Variants in FAAH2 observed in about 807,000 individuals in gnomAD.
The protein encoded by FAAH2 is fatty acid amide hydrolase 2.
Under a neutral mutation model 36.9 loss-of-function variants are expected in FAAH2, and 60 were observed. The observed-to-expected ratio is 1.63, with a 90% CI of 1.32 to 2.02. FAAH2 has a LOEUF of 2.02. Ranked by LOEUF, FAAH2 falls within the 30% of genes most tolerant of loss-of-function variation. The pLI is 0.00. For synonymous variants in FAAH2, 214 were observed against 143.8 expected (o/e 1.49, Z -3.49); for missense variants, 689 against 397.5 (o/e 1.73, Z -6.23).
chrX:57,137,378 G>T, the FAAH2 span: 1 of 752,246 alleles, frequency 1.3e-6, no homozygotes. Context: ...GTGTAGGAGC[G>T]CGGCGAGACA....
chrX:57,237,006 A>T, the FAAH2 span, among the ~76,000 whole-genome samples: 2 of 111,904 alleles, frequency 1.8e-5, no homozygotes, highest in Non-Finnish European at 3.8e-5. Context: ...ACTTAAGTCT[A>T]TAATCTATTT....
the FAAH2 span, among the ~76,000 whole-genome samples, chrX:57,201,053 G>GTTTTTTTTTT: frequency 6.2e-5 from 6 of 96,544 alleles, no homozygotes; most frequent in Non-Finnish European, 8.2e-5. Flanking sequence ...TAGGGTAAAA[G>GTTTTTTTTTT]TTTTTTTTTT....
chrX:57,443,176 A>C (rs1254738615), intron 8 of FAAH2, among the ~76,000 whole-genome samples: 1 of 111,945 alleles, frequency 8.9e-6, no homozygotes, highest in Non-Finnish European at 1.9e-5. Flanking sequence ...AGGTTCTTGA[A>C]GTTCTCCTGG....
intron 7 of FAAH2, among the ~76,000 whole-genome samples, chrX:57,401,190 C>T (rs1046322196): frequency 3.6e-5 from 4 of 111,603 alleles, no homozygotes; most frequent in South Asian, 3.8e-4. Flanking sequence ...GGTTTCTGAA[C>T]GGGCAGCTAA....
chrX:57,246,901 G>A, the FAAH2 span, among the ~76,000 whole-genome samples: 4 of 111,573 alleles, frequency 3.6e-5, no homozygotes, highest in African/African-American at 1.3e-4. Flanking sequence ...CATTGGGTCA[G>A]TTTTGCAGCT....
chrX:57,395,646 T>C (rs184533697), intron 7 of FAAH2, among the ~76,000 whole-genome samples: 7 of 112,322 alleles, frequency 6.2e-5, no homozygotes, highest in Non-Finnish European at 1.3e-4. Flanking sequence ...TTGTTTTTTA[T>C]TCTGTTTATG....
chrX:57,185,503 T>C, the FAAH2 span, among the ~76,000 whole-genome samples: 1 of 108,975 alleles, frequency 9.2e-6, no homozygotes, highest in Admixed American at 9.9e-5. Context: ...TGTGTGTGTG[T>C]GTGTGTGTGT....
chrX:57,257,584 C>T, the FAAH2 span, among the ~76,000 whole-genome samples: 1,373 of 110,159 alleles, frequency 0.012, 6 homozygotes, highest in Non-Finnish European at 0.019. Flanking sequence ...AGGAGAAATA[C>T]CTAATGTAGT....
At chrX:57,151,831 A>G in the FAAH2 span, among the ~76,000 whole-genome samples, 1 of 110,079 alleles carries the variant, frequency 9.1e-6, no homozygotes, top group East Asian at 2.9e-4. Flanking sequence ...GAGGAGAGGC[A>G]CTCTGCTTTT....
intron 7 of FAAH2, among the ~76,000 whole-genome samples, chrX:57,421,406 A>C (rs1456328516): frequency 1.8e-5 from 2 of 112,100 alleles, no homozygotes; most frequent in African/African-American, 6.5e-5. Context: ...GACCCATAAC[A>C]TAATACCATA....
the FAAH2 span, among the ~76,000 whole-genome samples, chrX:57,263,339 C>T: frequency 1.8e-5 from 2 of 111,431 alleles, no homozygotes; most frequent in Non-Finnish European, 3.8e-5. Flanking sequence ...AAGTACAATA[C>T]CACTTAGAGT....
chrX:57,376,931 T>C (rs1246981802), intron 5 of FAAH2, among the ~76,000 whole-genome samples: 1 of 112,455 alleles, frequency 8.9e-6, no homozygotes, highest in Non-Finnish European at 1.9e-5. Flanking sequence ...TTTTTGCATA[T>C]GTTTGTTGGC....
chrX:57,311,363 C>T (rs1481248141), intron 3 of FAAH2, among the ~76,000 whole-genome samples: 3 of 112,284 alleles, frequency 2.7e-5, no homozygotes, highest in Non-Finnish European at 3.8e-5. Context: ...TAAATGGCTC[C>T]TGCGAAAGGG....
intron 5 of FAAH2, among the ~76,000 whole-genome samples, chrX:57,351,311 T>TA (rs1287479584): frequency 3.6e-5 from 4 of 111,066 alleles, no homozygotes; most frequent in African/African-American, 1.3e-4. Context: ...TGCAATGTAG[T>TA]AAAACTTGTT....
At chrX:57,273,730 C>T in the FAAH2 span, among the ~76,000 whole-genome samples, 715 of 111,705 alleles carry the variant, frequency 6.4e-3, 6 homozygotes, top group Middle Eastern at 9.2e-3. Flanking sequence ...AAAGACACAA[C>T]GTACCAGAAT....
intron 8 of FAAH2, among the ~76,000 whole-genome samples, chrX:57,438,508 C>T (rs1428651698): frequency 7.3e-5 from 8 of 110,146 alleles, no homozygotes; most frequent in African/African-American, 2.6e-4. Flanking sequence ...CCATACTGCT[C>T]TAAGCAATCT....
intron 1 of FAAH2, among the ~76,000 whole-genome samples, chrX:57,290,727 T>C (rs2051952428): frequency 9.0e-6 from 1 of 111,688 alleles, no homozygotes; most frequent in Admixed American, 9.5e-5. Flanking sequence ...AATTGCTTTA[T>C]TTTTCTATTA....
chrX:57,211,388 C>T, the FAAH2 span, among the ~76,000 whole-genome samples: 1 of 111,387 alleles, frequency 9.0e-6, no homozygotes, highest in African/African-American at 3.3e-5. Context: ...GCATTTGCAC[C>T]TGTCATTTTG....
At chrX:57,424,068 G>A (rs760512640) in intron 7 of FAAH2, among the ~76,000 whole-genome samples, 1 of 111,704 alleles carries the variant, frequency 9.0e-6, no homozygotes, top group African/African-American at 3.3e-5. Flanking sequence ...TACTCAGTAG[G>A]TCTTGAACCC....
Sources: allele counts gnomAD v4.1 joint callset (sites outside exome capture counted in the v4.1 genomes callset), GRCh38; gene constraint gnomAD v4.1.1; transcripts MANE v1.5; gene names NCBI Gene and HGNC (gene_info 2026-07-23, HGNC 2026-07-21).